KCNG2: variants seen among roughly 807,000 people sequenced by gnomAD.
KCNG2 encodes the protein voltage-gated potassium channel regulatory subunit KCNG2.
A neutral mutation model predicts 12.3 loss-of-function variants in KCNG2; 7 were observed. The ratio of observed to expected loss-of-function variants is 0.57; its 90% CI spans 0.32 to 1.07. The LOEUF is 1.07. Ranked by LOEUF, KCNG2 falls within the 50% of genes least tolerant of loss-of-function variation. The pLI is 0.04. For missense variants in KCNG2, 703 were observed against 726.0 expected, an observed-to-expected ratio of 0.97 and a Z score of 0.36; for synonymous variants, 414 against 351.4, an observed-to-expected ratio of 1.18 and a Z score of -1.99.
At chr18:79,889,603 G>A (rs1448118691) in intron 3 of KCNG2, among the ~76,000 whole-genome samples, 1 of 152,226 alleles carries the variant, frequency 6.6e-6, no homozygotes, top group East Asian at 1.9e-4. Flanking sequence ...CAACCTTGTT[G>A]AACTCACTAG....
intron 3 of KCNG2, among the ~76,000 whole-genome samples, chr18:79,888,425 C>T (rs370864780): frequency 4.9e-5 from 7 of 141,852 alleles, no homozygotes; most frequent in East Asian, 4.1e-4. Flanking sequence ...CTCATGAGGC[C>T]GCGGTGGGGC....
intron 3 of KCNG2, among the ~76,000 whole-genome samples, chr18:79,882,841 GCGCGTGGAGCGCGGAGGCCGGGTACA>G (rs1980363554): frequency 1.3e-5 from 2 of 151,674 alleles, no homozygotes; most frequent in Non-Finnish European, 2.9e-5. Flanking sequence ...GGGTACACCT[GCGCGTGGAGCGCGGAGGCCGGGTACA>G]CCTGCGCGTG....
chr18:79,885,165 C>T (rs535186758), intron 3 of KCNG2, among the ~76,000 whole-genome samples: 3 of 152,272 alleles, frequency 2.0e-5, no homozygotes, highest in Non-Finnish European at 2.9e-5. Context: ...TGAAGGTGCC[C>T]GCCCAGCCAG....
intron 1 of KCNG2, among the ~76,000 whole-genome samples, chr18:79,855,164 G>T (rs767065802): frequency 6.6e-6 from 1 of 152,046 alleles, no homozygotes; most frequent in South Asian, 2.1e-4. Context: ...ATGTGCTCAC[G>T]GTGGACTGTT....
At chr18:79,804,068 C>T (rs958956786) in intron 1 of KCNG2, among the ~76,000 whole-genome samples, 6 of 152,160 alleles carry the variant, frequency 3.9e-5, no homozygotes, top group Non-Finnish European at 7.4e-5. Flanking sequence ...CCTGGGAGCA[C>T]GATCATGGGG....
intron 2 of KCNG2, among the ~76,000 whole-genome samples, chr18:79,857,347 G>A (rs1211982194): frequency 6.6e-6 from 1 of 151,482 alleles, no homozygotes; most frequent in East Asian, 2.0e-4. Flanking sequence ...CATTGCAGTA[G>A]TCATCCAAGG....
intron 1 of KCNG2, among the ~76,000 whole-genome samples, chr18:79,833,703 T>C (rs753062732): frequency 4.6e-5 from 7 of 152,194 alleles, no homozygotes; most frequent in Non-Finnish European, 7.3e-5. Context: ...TATAAATGCA[T>C]GGATAATGAA....
chr18:79,866,337 G>C (rs1979543096), intron 3 of KCNG2, among the ~76,000 whole-genome samples: 2 of 144,858 alleles, frequency 1.4e-5, no homozygotes, highest in South Asian at 4.6e-4. Flanking sequence ...GCTGAGGTCT[G>C]TGTGCTGAGA....
chr18:79,875,377 G>A (rs982223333), intron 3 of KCNG2, among the ~76,000 whole-genome samples: 5 of 151,858 alleles, frequency 3.3e-5, no homozygotes, highest in Non-Finnish European at 7.4e-5. Context: ...GCACCACCGA[G>A]CACACATTTC....
chr18:79,878,327 C>T lies in KCNG2; in HGVS notation c.624+14036C>T, dbSNP rs570001163. Among the ~76,000 whole-genome samples the T allele has an allele frequency of 5.3e-3, 633 of 118,610 alleles. 16 individuals are homozygous for T. The highest frequency in any genetic ancestry group is 0.015 in the Middle Eastern group (3 of 206). 77.8% of individuals were successfully genotyped at this position (118,610 alleles called of 152,430 possible). ...ATGCCACGTGGCAGTGTGCGGAGGG[C>T]GCCTGATGCCCACGTGGCAGTGTGC... On this transcript the variant is annotated intron_variant, in intron 3 of 3. Transcript: ENST00000316249.
chr18:79,895,872 G>A (rs372566815), intron 3 of KCNG2, among the ~76,000 whole-genome samples: 12 of 152,204 alleles, frequency 7.9e-5, no homozygotes, highest in East Asian at 1.9e-4. Flanking sequence ...TGCACCTCAC[G>A]GAGCACGTTG....
intron 1 of KCNG2, among the ~76,000 whole-genome samples, chr18:79,841,120 A>AT (rs970397521): frequency 3.9e-5 from 6 of 152,106 alleles, no homozygotes; most frequent in African/African-American, 1.4e-4. Context: ...AAGAAAAAAA[A>AT]GTCAGCCAGG....
intron 3 of KCNG2, among the ~76,000 whole-genome samples, 195 bp from the exon 4 acceptor site, chr18:79,898,845 A>G (rs969144090): frequency 5.9e-5 from 9 of 152,250 alleles, no homozygotes; most frequent in Admixed American, 1.3e-4. Context: ...CGAAGTGATC[A>G]CCATGAAATC....
intron 1 of KCNG2, among the ~76,000 whole-genome samples, chr18:79,809,501 G>A (rs796830049): frequency 9.8e-5 from 6 of 61,380 alleles, no homozygotes; most frequent in Admixed American, 3.4e-4. Context: ...CCCAGAGTCC[G>A]CGCTCTGAGG....
chr18:79,869,246 C>T (rs756024336), intron 3 of KCNG2, among the ~76,000 whole-genome samples: 21 of 149,022 alleles, frequency 1.4e-4, no homozygotes, highest in Admixed American at 4.0e-4. Context: ...GGGCTGCGAC[C>T]TGCACAGGGG....
chr18:79,861,189 T>C (rs1979203863), intron 2 of KCNG2, among the ~76,000 whole-genome samples: 1 of 152,242 alleles, frequency 6.6e-6, no homozygotes, highest in East Asian at 1.9e-4. Context: ...ATGGTCATCA[T>C]GTATAATCCT....
At chr18:79,811,155 C>T (rs570393070) in intron 1 of KCNG2, among the ~76,000 whole-genome samples, 229 of 152,272 alleles carry the variant, frequency 1.5e-3, no homozygotes, top group Non-Finnish European at 2.9e-3. Flanking sequence ...GCAATACTCC[C>T]AAACTGATCT....
intron 3 of KCNG2, among the ~76,000 whole-genome samples, chr18:79,870,223 C>T (rs1016084604): frequency 2.0e-5 from 3 of 152,264 alleles, no homozygotes; most frequent in African/African-American, 4.8e-5. Flanking sequence ...AACATACAGA[C>T]GGGATCACGA....
chr18:79,818,593 G>T (rs1004994239), intron 1 of KCNG2, among the ~76,000 whole-genome samples: 1 of 152,252 alleles, frequency 6.6e-6, no homozygotes, highest in African/African-American at 2.4e-5. Context: ...CAGCCCATCA[G>T]TCGGGTCACC....
Sources: allele counts gnomAD v4.1 joint callset (sites outside exome capture counted in the v4.1 genomes callset), GRCh38; gene constraint gnomAD v4.1.1; transcripts MANE v1.5; gene names NCBI Gene and HGNC (gene_info 2026-07-23, HGNC 2026-07-21).